Variants in SLC2A13 observed in about 807,000 individuals in gnomAD.
SLC2A13 encodes solute carrier family 2 member 13.
A neutral mutation model predicts 64.4 loss-of-function variants in SLC2A13; 32 were observed. The observed-to-expected ratio is 0.50, with a 90% CI of 0.37 to 0.67. The LOEUF (loss-of-function observed/expected upper bound fraction) is 0.67. Ranked by LOEUF, SLC2A13 falls within the 30% of genes least tolerant of loss-of-function variation. The probability of loss-of-function intolerance (pLI) is 0.00; values close to 1 mark genes in which losing one functional copy is unlikely to be tolerated. For synonymous variants in SLC2A13, 338 were observed against 327.1 expected (o/e 1.03, Z -0.36); for missense variants, 743 against 829.2 (o/e 0.90, Z 1.28).
intron 3 of SLC2A13, among the ~76,000 whole-genome samples, chr12:39,980,811 G>T (rs1371784555): frequency 6.6e-6 from 1 of 152,000 alleles, no homozygotes; most frequent in Non-Finnish European, 1.5e-5. Context: ...ACTCAGCTCT[G>T]CACCAAGCGG....
intron 4 of SLC2A13, among the ~76,000 whole-genome samples, chr12:39,943,631 AT>A (rs1946080046): frequency 6.6e-6 from 1 of 152,130 alleles, no homozygotes; most frequent in Non-Finnish European, 1.5e-5. Flanking sequence ...TCCCAGGTCG[AT>A]TTCAGACTGC....
At chr12:39,796,053 C>T (rs998253077) in intron 7 of SLC2A13, among the ~76,000 whole-genome samples, 1 of 152,176 alleles carries the variant, frequency 6.6e-6, no homozygotes, top group African/African-American at 2.4e-5. Flanking sequence ...CTTCTCCCCC[C>T]AGCCTCTGGC....
chr12:40,077,374 A>G (rs1938216388), intron 1 of SLC2A13, among the ~76,000 whole-genome samples: 1 of 152,208 alleles, frequency 6.6e-6, no homozygotes, highest in Non-Finnish European at 1.5e-5. Flanking sequence ...GTATATGGCT[A>G]ACCAGCTCTT....
At chr12:39,808,155 T>C (rs993831692) in intron 7 of SLC2A13, among the ~76,000 whole-genome samples, 1 of 152,126 alleles carries the variant, frequency 6.6e-6, no homozygotes, top group African/African-American at 2.4e-5. Context: ...TTCTGGTCAA[T>C]AGAGATTGGG....
chr12:40,076,934 T>C lies in SLC2A13; in HGVS notation c.556+28319A>G, dbSNP rs575017521. Among the ~76,000 whole-genome samples, 5 of 152,318 alleles carry C rather than the reference T, an allele frequency of 3.3e-5. No individual in the cohort carries two copies. In the South Asian group the frequency reaches 1.0e-3, roughly 32 times the overall value. Reference sequence around the variant, plus strand: ...ATTAATGATGTTGAGCATTTTTTCATATTCTTGTTGGCTGTGTGTGTCTTC... The same window carrying C: ...ATTAATGATGTTGAGCATTTTTTCACATTCTTGTTGGCTGTGTGTGTCTTC... On this transcript the variant is annotated intron_variant, in intron 1 of 9. Transcript: ENST00000280871.
intron 3 of SLC2A13, among the ~76,000 whole-genome samples, chr12:39,987,034 C>G (rs1405091473): frequency 6.6e-6 from 1 of 152,124 alleles, no homozygotes; most frequent in Admixed American, 6.6e-5. Flanking sequence ...ATTTAACAAC[C>G]TGGTTTCCCC....
chr12:39,884,717 A>C (rs1489161448), intron 4 of SLC2A13, among the ~76,000 whole-genome samples: 1 of 152,178 alleles, frequency 6.6e-6, no homozygotes, highest in Non-Finnish European at 1.5e-5. Flanking sequence ...AAAGGTAAAG[A>C]GCTGCTGGAA....
intron 2 of SLC2A13, among the ~76,000 whole-genome samples, chr12:40,046,164 T>C (rs1948168824): frequency 6.6e-6 from 1 of 152,194 alleles, no homozygotes; most frequent in South Asian, 2.1e-4. Flanking sequence ...TTCTACTTTA[T>C]AGAAAAGTGA....
At chr12:39,868,019 A>G (rs1322379072) in intron 5 of SLC2A13, among the ~76,000 whole-genome samples, 1 of 152,238 alleles carries the variant, frequency 6.6e-6, no homozygotes, top group African/African-American at 2.4e-5. Flanking sequence ...CTATTAAAGC[A>G]TAAAACAACT....
intron 3 of SLC2A13, among the ~76,000 whole-genome samples, chr12:39,955,834 G>A (rs1946305521): frequency 6.6e-6 from 1 of 152,140 alleles, no homozygotes; most frequent in Non-Finnish European, 1.5e-5. Flanking sequence ...GGTGCCCCCA[G>A]AAGCTGGAAA....
chr12:39,853,112 AC>A (rs1223480047), intron 6 of SLC2A13, among the ~76,000 whole-genome samples: 1 of 152,100 alleles, frequency 6.6e-6, no homozygotes, highest in African/African-American at 2.4e-5. Flanking sequence ...AACGCCAAGA[AC>A]CTGGACAACT....
chr12:40,096,384 T>C (rs1476049452), intron 1 of SLC2A13, among the ~76,000 whole-genome samples: 1 of 152,090 alleles, frequency 6.6e-6, no homozygotes, highest in African/African-American at 2.4e-5. Context: ...TGAGGATAAA[T>C]ATATTTTCTT....
At chr12:40,015,918 A>G (rs558100713) in intron 3 of SLC2A13, among the ~76,000 whole-genome samples, 14 of 152,290 alleles carry the variant, frequency 9.2e-5, no homozygotes, top group African/African-American at 3.1e-4. Flanking sequence ...AAAAGATATA[A>G]TAATACCATG....
At chr12:39,961,888 C>T (rs1248732432) in intron 3 of SLC2A13, among the ~76,000 whole-genome samples, 1 of 152,104 alleles carries the variant, frequency 6.6e-6, no homozygotes, top group East Asian at 1.9e-4. Context: ...AACTTCAAAA[C>T]TCCTGGGCTC....
intron 4 of SLC2A13, among the ~76,000 whole-genome samples, chr12:39,895,689 T>A (rs1158659735): frequency 6.8e-6 from 1 of 147,286 alleles, no homozygotes; most frequent in African/African-American, 2.5e-5. Flanking sequence ...TACACACATA[T>A]GTATATGCGT....
intron 7 of SLC2A13, among the ~76,000 whole-genome samples, chr12:39,770,091 T>C (rs1940507643): frequency 6.6e-6 from 1 of 152,116 alleles, no homozygotes; most frequent in South Asian, 2.1e-4. Flanking sequence ...TATTCATTGC[T>C]TTTTAAATTG....
intron 7 of SLC2A13, among the ~76,000 whole-genome samples, chr12:39,812,753 T>G (rs1007202543): frequency 6.7e-6 from 1 of 149,016 alleles, no homozygotes; most frequent in Non-Finnish European, 1.5e-5. Flanking sequence ...ATTACGGGCG[T>G]GAGTCATTGC....
At chr12:39,865,319 G>A (rs1259628517) in intron 5 of SLC2A13, among the ~76,000 whole-genome samples, 2 of 152,194 alleles carry the variant, frequency 1.3e-5, no homozygotes, top group African/African-American at 4.8e-5. Context: ...ATTCAATCAT[G>A]TAAGACTTAA....
chr12:39,998,646 A>C (rs1947273415), intron 3 of SLC2A13, among the ~76,000 whole-genome samples: 1 of 152,242 alleles, frequency 6.6e-6, no homozygotes, highest in Non-Finnish European at 1.5e-5. Flanking sequence ...GTATCTAGGA[A>C]GTAACTAACT....
Sources: gnomAD v4.1 joint callset for allele counts (sites outside exome capture counted in the v4.1 genomes callset) on GRCh38, gnomAD v4.1.1 for gene constraint, MANE v1.5 for transcripts, NCBI Gene and HGNC (gene_info 2026-07-23, HGNC 2026-07-21) for gene names.